Variants in CERKL observed in about 807,000 individuals in gnomAD.
CERKL encodes ceramide kinase-like protein.
In CERKL, 61 loss-of-function variants were observed where a neutral mutation model predicts 63.4. That is an observed-to-expected ratio of 0.96 (90% CI 0.78 to 1.19). The LOEUF (loss-of-function observed/expected upper bound fraction) is 1.19, where lower values mean the gene tolerates loss of function less well. Among genes scored for constraint, CERKL ranks in the 50% most tolerant of loss-of-function variants. The pLI is 0.00. For missense variants in CERKL, 675 were observed against 655.5 expected, an observed-to-expected ratio of 1.03 and a Z score of -0.33; for synonymous variants, 250 against 230.5, an observed-to-expected ratio of 1.08 and a Z score of -0.77.
intron 1 of CERKL, among the ~76,000 whole-genome samples, chr2:181,646,427 T>G (rs1444654734): frequency 6.6e-6 from 1 of 152,262 alleles, no homozygotes; most frequent in South Asian, 2.1e-4. Context: ...TGACAGCTGA[T>G]GCTGAATAAT....
intron 3 of CERKL, among the ~76,000 whole-genome samples, chr2:181,572,073 GGTGT>G (rs1175696691): frequency 6.6e-6 from 1 of 151,882 alleles, no homozygotes; most frequent in Non-Finnish European, 1.5e-5. Context: ...CAGATGTATG[GGTGT>G]AACACACATG....
intron 3 of CERKL, among the ~76,000 whole-genome samples, chr2:181,566,975 A>T (rs76204970): frequency 6.6e-6 from 1 of 152,266 alleles, no homozygotes; most frequent in African/African-American, 2.4e-5. Context: ...AGATTACATT[A>T]ATCTTTCATG....
rs1244163815 is a variant in CERKL, at chr2:181,536,947, C to T, written c.*1237G>A. 1 of 453,232 alleles carries T rather than the reference C, an allele frequency of 2.2e-6. No individual in the cohort carries two copies. Among genetic ancestry groups the T allele is most frequent in the East Asian group, 6.9e-5 (1 of 14,396 alleles). The allele number at this position is 453,232 out of a possible 1,614,324, so 28.1% of individuals were successfully genotyped here. A position where few individuals can be genotyped will look rare whatever the true frequency, so the allele number is the denominator to read the frequency against. ...TGGGAAAGATTTCTTTATATGAAGT[C>T]CCTGCCACTAGCCAGCCATCCTAAT... On this transcript the variant is annotated 3_prime_UTR_variant, in exon 13 of 13. Coordinates refer to ENST00000410087, the MANE Select transcript of CERKL (RefSeq NM_201548.5).
At chr2:181,567,550 T>C (rs1688718177) in intron 3 of CERKL, among the ~76,000 whole-genome samples, 1 of 140,792 alleles carries the variant, frequency 7.1e-6, no homozygotes, top group African/African-American at 2.8e-5. Context: ...TGCCTGAAAA[T>C]AGCAATTTTT....
chr2:181,548,962 G>T (rs922395016), intron 6 of CERKL, 105 bp from the exon 7 acceptor site: 19 of 981,824 alleles, frequency 1.9e-5, no homozygotes, highest in African/African-American at 1.6e-5. Context: ...ATATCTAAAG[G>T]TACTGTAGAC....
At chr2:181,632,315 C>T (rs1020438267) in intron 1 of CERKL, among the ~76,000 whole-genome samples, 15 of 152,000 alleles carry the variant, frequency 9.9e-5, no homozygotes, top group Non-Finnish European at 1.5e-4. Context: ...AACAGAAATC[C>T]CTTAACACTG....
intron 1 of CERKL, among the ~76,000 whole-genome samples, chr2:181,637,437 T>C (rs1025840293): frequency 6.6e-6 from 1 of 152,182 alleles, no homozygotes; most frequent in Non-Finnish European, 1.5e-5. Context: ...ATTTTGATGC[T>C]GATGTAAAGC....
At chr2:181,568,092 T>G (rs1354073150) in intron 3 of CERKL, among the ~76,000 whole-genome samples, 1 of 152,152 alleles carries the variant, frequency 6.6e-6, no homozygotes, top group Non-Finnish European at 1.5e-5. Context: ...CCCTCCCCTC[T>G]TTGGTGCAAA....
chr2:181,629,962 GA>G (rs10562771), intron 1 of CERKL, among the ~76,000 whole-genome samples: 52,052 of 129,920 alleles, frequency 0.4, 9,552 homozygotes, highest in South Asian at 0.6. Context: ...CATTGTCTTG[GA>G]AAAAAAAAAA....
intron 2 of CERKL, among the ~76,000 whole-genome samples, chr2:181,600,201 A>G (rs1022241343): frequency 1.3e-5 from 2 of 152,352 alleles, no homozygotes; most frequent in South Asian, 2.1e-4. Context: ...AAATACTCCA[A>G]GGAGTTCTAA....
chr2:181,642,528 C>G (rs765021694), intron 1 of CERKL, among the ~76,000 whole-genome samples: 3 of 152,168 alleles, frequency 2.0e-5, no homozygotes, highest in African/African-American at 7.2e-5. Context: ...TTTTGACTCT[C>G]TTGTAACAAT....
At chr2:181,573,288 T>C (rs373614490) in intron 3 of CERKL, among the ~76,000 whole-genome samples, 1 of 152,164 alleles carries the variant, frequency 6.6e-6, no homozygotes, top group Admixed American at 6.6e-5. Flanking sequence ...ATCTCTAAAT[T>C]CATCTATTAA....
chr2:181,610,390 C>CA (rs1685913174), intron 1 of CERKL, among the ~76,000 whole-genome samples: 1 of 152,038 alleles, frequency 6.6e-6, no homozygotes, highest in Non-Finnish European at 1.5e-5. Flanking sequence ...GGTGGGAATG[C>CA]AAAAATGGTA....
chr2:181,648,005 T>C (rs1462951214), intron 1 of CERKL, among the ~76,000 whole-genome samples: 1 of 151,862 alleles, frequency 6.6e-6, no homozygotes, highest in Non-Finnish European at 1.5e-5. Context: ...AATCTGAAAA[T>C]AGGTTTTGTG....
chr2:181,641,342 TATAC>T (rs200486969), intron 1 of CERKL, among the ~76,000 whole-genome samples: 846 of 4,468 alleles, frequency 0.19, 8 homozygotes, highest in Middle Eastern at 0.5. Context: ...TATATATATA[TATAC>T]ATATATATAC....
Position 181,592,257 on chromosome 2 carries a change from C to T in CERKL, c.481+11580G>A, listed in dbSNP as rs62189987. Among the ~76,000 whole-genome samples, 440 of 152,240 alleles carry T rather than the reference C, an allele frequency of 2.9e-3. 2 individuals carry two copies. Among genetic ancestry groups the T allele is most frequent in the Admixed American group, 4.9e-3 (75 of 15,288 alleles). On this transcript the variant is annotated intron_variant, in intron 2 of 12. Transcript: ENST00000410087. ...TAAACATTTTAAATGTTTCTCTCAT[C>T]TCCTGGGTCTGACAGCTCTAAAATT...
At chr2:181,572,642 C>A (rs2105844421) in intron 3 of CERKL, among the ~76,000 whole-genome samples, 1 of 123,832 alleles carries the variant, frequency 8.1e-6, no homozygotes, top group South Asian at 2.2e-4. Context: ...AGCCGAAGGT[C>A]ACAAACATAA....
intron 1 of CERKL, among the ~76,000 whole-genome samples, chr2:181,641,409 G>A (rs116375847): frequency 0.098 from 14,185 of 144,858 alleles, 870 homozygotes; most frequent in East Asian, 0.12. Flanking sequence ...GGCTGGCCTC[G>A]AACTCCTGGG....
chr2:181,576,861 C>T (rs1463902391), intron 2 of CERKL, among the ~76,000 whole-genome samples: 4 of 152,116 alleles, frequency 2.6e-5, no homozygotes, highest in Non-Finnish European at 5.9e-5. Context: ...AAATGTCTGG[C>T]TGGTAAGGGG....
Sources: gnomAD v4.1 joint callset for allele counts (sites outside exome capture counted in the v4.1 genomes callset) on GRCh38, gnomAD v4.1.1 for gene constraint, MANE v1.5 for transcripts, NCBI Gene and HGNC (gene_info 2026-07-23, HGNC 2026-07-21) for gene names.